The following IGSF21 variants were observed in gnomAD, a reference collection of about 807,000 sequenced individuals.
IGSF21 encodes the protein immunoglobulin superfamily member 21.
Under a neutral mutation model 46.8 loss-of-function variants are expected in IGSF21, and 28 were observed. That is an observed-to-expected ratio of 0.60 (90% CI 0.44 to 0.82). IGSF21 has a LOEUF of 0.82. Among genes scored for constraint, IGSF21 ranks in the 40% least tolerant of loss-of-function variants. IGSF21 has a pLI of 0.00. For missense variants in IGSF21, 624 were observed against 665.5 expected, an observed-to-expected ratio of 0.94 and a Z score of 0.69; for synonymous variants, 284 against 273.6, an observed-to-expected ratio of 1.04 and a Z score of -0.38.
At chr1:18,184,751 C>T (rs2086887935) in intron 1 of IGSF21, among the ~76,000 whole-genome samples, 3 of 152,204 alleles carry the variant, frequency 2.0e-5, no homozygotes, top group Admixed American at 6.5e-5. Context: ...CCCCCAGCTC[C>T]TCTTGTGACC....
intron 1 of IGSF21, among the ~76,000 whole-genome samples, chr1:18,221,793 G>C (rs554172551): frequency 6.6e-6 from 1 of 152,124 alleles, no homozygotes; most frequent in African/African-American, 2.4e-5. Flanking sequence ...ACAGAGCTCC[G>C]TCTTCAGCTG....
intron 2 of IGSF21, among the ~76,000 whole-genome samples, chr1:18,228,710 A>G (rs999476087): frequency 6.6e-6 from 1 of 152,180 alleles, no homozygotes; most frequent in Non-Finnish European, 1.5e-5. Flanking sequence ...CTTTTCTTCC[A>G]ATGCATGCTT....
chr1:18,216,607 G>A (rs967584557), intron 1 of IGSF21, among the ~76,000 whole-genome samples: 10 of 152,096 alleles, frequency 6.6e-5, no homozygotes, highest in Non-Finnish European at 1.3e-4. Context: ...GAAAAAGACA[G>A]TTGTGAGAGT....
chr1:18,260,153 C>T (rs1368559013), intron 2 of IGSF21, among the ~76,000 whole-genome samples: 5 of 152,144 alleles, frequency 3.3e-5, no homozygotes, highest in South Asian at 2.1e-4. Flanking sequence ...TGGAGAAGCA[C>T]GCAGAGGATG....
chr1:18,337,642 AC>A lies in IGSF21; in HGVS notation c.424+2633del, dbSNP rs11296454. 0.41 allele frequency among the ~76,000 whole-genome samples: 61,881 copies of A among 151,570 alleles called. 13,133 individuals are homozygous for A. Among genetic ancestry groups the A allele is most frequent in the East Asian group, 0.79 (4,034 of 5,094 alleles). Reference sequence around the variant, plus strand: ...GTGGCAGAGACAGGGGTCTCTCCTTACTCACCTTCTCTGGGCTTCTTCCCCA... The same window carrying A: ...GTGGCAGAGACAGGGGTCTCTCCTTATCACCTTCTCTGGGCTTCTTCCCCA... On this transcript the variant is annotated intron_variant, in intron 4 of 9. Transcript: ENST00000251296. This position sits in a 1 kb window ranked among gnomAD's most constrained non-coding sequence, Gnocchi z 5.7.
At chr1:18,119,090 G>C (rs1231596080) in intron 1 of IGSF21, among the ~76,000 whole-genome samples, 1 of 151,868 alleles carries the variant, frequency 6.6e-6, no homozygotes, top group Non-Finnish European at 1.5e-5. Flanking sequence ...TAAGCCCTAG[G>C]AGGGCAAGAA....
intron 1 of IGSF21, among the ~76,000 whole-genome samples, chr1:18,218,687 G>A (rs1307259839): frequency 6.6e-6 from 1 of 152,134 alleles, no homozygotes; most frequent in Non-Finnish European, 1.5e-5. Flanking sequence ...AAAATCACTT[G>A]ATACACACAC....
chr1:18,264,761 T>G (rs2084975758), intron 2 of IGSF21, among the ~76,000 whole-genome samples: 2 of 152,248 alleles, frequency 1.3e-5, no homozygotes, highest in African/African-American at 4.8e-5. Context: ...GATGATTCTC[T>G]GAGGACAATT....
intron 4 of IGSF21, among the ~76,000 whole-genome samples, chr1:18,345,423 C>T (rs748570639): frequency 3.3e-5 from 5 of 152,100 alleles, no homozygotes; most frequent in Non-Finnish European, 7.4e-5. Context: ...CTCACTCTGT[C>T]GCCTAGGCTG....
In IGSF21 at chr1:18,258,475, T is replaced by C. The variant is rs76561671; in HGVS notation, c.183+30465T>C. 3.0e-4 allele frequency among the ~76,000 whole-genome samples: 45 copies of C among 152,242 alleles called. 1 individual carries two copies. The East Asian group carries it at 8.1e-3, about 28-fold the overall frequency. ...GTAGGATGGTAGAAGGAGGACTGGA[T>C]TGGGAGTCAGGAAACCTGGGTTTTA... On this transcript the variant is annotated intron_variant, in intron 2 of 9. Coordinates refer to ENST00000251296, the MANE Select transcript of IGSF21 (RefSeq NM_032880.5).
intron 1 of IGSF21, among the ~76,000 whole-genome samples, chr1:18,202,962 C>T (rs1408627856): frequency 2.6e-5 from 4 of 152,170 alleles, no homozygotes; most frequent in African/African-American, 9.7e-5. Flanking sequence ...CCAGTCTTGG[C>T]TTTGGGTGAG....
chr1:18,252,333 G>A (rs2084851369), intron 2 of IGSF21, among the ~76,000 whole-genome samples: 1 of 152,036 alleles, frequency 6.6e-6, no homozygotes, highest in Non-Finnish European at 1.5e-5. Flanking sequence ...ACAGACATGA[G>A]CCACTGCACC....
At chr1:18,243,483 C>T (rs1180547391) in intron 2 of IGSF21, among the ~76,000 whole-genome samples, 1 of 152,194 alleles carries the variant, frequency 6.6e-6, no homozygotes, top group Non-Finnish European at 1.5e-5. Flanking sequence ...TCTATCACTA[C>T]TTCAAGTCAG....
rs55775011 is a variant in IGSF21, at chr1:18,232,209, C to CTTTTTTTTTTTTTTTT, written c.183+4207_183+4208insTTTTTTTTTTTTTTTT. On this transcript the variant is annotated intron_variant, in intron 2 of 9. Transcript: ENST00000251296. ...GCTCATATAGATAAGCTCCAGACAGCTTTTTTTTGGCTAATAGAGTAGGGG... is the reference window on the plus strand; with the variant it reads ...GCTCATATAGATAAGCTCCAGACAGCTTTTTTTTTTTTTTTTTTTTTTTTGGCTAATAGAGTAGGGG... 1.2e-4 allele frequency among the ~76,000 whole-genome samples: 13 copies of CTTTTTTTTTTTTTTTT among 104,996 alleles called. 3 individuals carry two copies. The highest frequency in any genetic ancestry group is 1.7e-4 in the Non-Finnish European group (9 of 51,834). The allele number at this position is 104,996 out of a possible 152,430, so 68.9% of individuals were successfully genotyped here. A position where few individuals can be genotyped will look rare whatever the true frequency, so the allele number is the denominator to read the frequency against.
intron 2 of IGSF21, among the ~76,000 whole-genome samples, chr1:18,261,595 G>A (rs890992940): frequency 1.3e-5 from 2 of 152,234 alleles, no homozygotes; most frequent in Admixed American, 1.3e-4. Flanking sequence ...GTGCACAACT[G>A]CCTCTGAGCT....
intron 6 of IGSF21, among the ~76,000 whole-genome samples, chr1:18,370,021 A>G (rs1344946163): frequency 6.6e-6 from 1 of 151,990 alleles, no homozygotes; most frequent in Non-Finnish European, 1.5e-5. Context: ...CCACATGCAA[A>G]CCATCATTAA....
chr1:18,340,900 T>C, intron 4 of IGSF21, among the ~76,000 whole-genome samples: 1 of 151,486 alleles, frequency 6.6e-6, no homozygotes, highest in South Asian at 2.1e-4. Context: ...TTCTGCTTCT[T>C]CTCCTTCTCC....
rs1201447158 is a variant in IGSF21, at chr1:18,335,470, T to C, written c.424+460T>C. On this transcript the variant is annotated intron_variant, in intron 4 of 9. Coordinates refer to ENST00000251296, the MANE Select transcript of IGSF21 (RefSeq NM_032880.5). This position sits in a 1 kb window ranked among gnomAD's most constrained non-coding sequence, Gnocchi z 4.8. ...CACCCTCTCCCCATGCCTCCATTTA[T>C]GCACATGTAAAATGGAGGTAATAAT... is the stretch of plus-strand genomic sequence containing the variant. 6.6e-6 allele frequency among the ~76,000 whole-genome samples: 1 copy of C among 152,212 alleles called. No individual in the cohort carries two copies. The highest frequency in any genetic ancestry group is 1.5e-5 in the Non-Finnish European group (1 of 68,038).
intron 1 of IGSF21, among the ~76,000 whole-genome samples, chr1:18,187,378 T>G (rs971819185): frequency 1.3e-5 from 2 of 152,136 alleles, no homozygotes; most frequent in African/African-American, 2.4e-5. Flanking sequence ...ATTTATAAAG[T>G]AAAAGAGGTA....
Sources: allele counts gnomAD v4.1 joint callset (sites outside exome capture counted in the v4.1 genomes callset), GRCh38; gene constraint gnomAD v4.1.1; non-coding constraint Gnocchi (gnomAD v3.1); transcripts MANE v1.5; gene names NCBI Gene and HGNC (gene_info 2026-07-23, HGNC 2026-07-21).